KCTD13: variants seen among roughly 807,000 people sequenced by gnomAD.
The protein encoded by KCTD13 is potassium channel tetramerization domain containing 13.
KCTD13 carries 15 observed loss-of-function variants against 32.3 expected under a neutral mutation model. The observed-to-expected ratio is 0.46, with a 90% CI of 0.31 to 0.71. The LOEUF is 0.71. KCTD13 is among the 30% of genes least tolerant of loss of function. The pLI is 0.05. For missense variants in KCTD13, 337 were observed against 452.6 expected, an observed-to-expected ratio of 0.74 and a Z score of 2.32; for synonymous variants, 189 against 200.1, an observed-to-expected ratio of 0.94 and a Z score of 0.47.
rs145551208 is a variant in KCTD13 at position 29,912,343 on chromosome 16, A to G, written c.415-294T>C. On this transcript the variant is annotated intron_variant, in intron 2 of 5. Coordinates refer to ENST00000568000, the MANE Select transcript of KCTD13 (RefSeq NM_178863.5). ...GTCAGCGTGGCGTGTCCGTCATGCCATTCAGATCGCAGGTCACACAGTGCC... is the reference window on the plus strand; with the variant it reads ...GTCAGCGTGGCGTGTCCGTCATGCCGTTCAGATCGCAGGTCACACAGTGCC... The G allele has an allele frequency of 4.4e-3, 2,190 of 497,306 alleles. 7 individuals carry two copies. The highest frequency in any genetic ancestry group is 6.1e-3 in the Non-Finnish European group (1,734 of 283,592). 30.8% of individuals were successfully genotyped at this position (497,306 alleles called of 1,614,324 possible).
At chr16:29,912,239 C>G (rs2068726505) in intron 2 of KCTD13, 190 bp from the exon 3 acceptor site, 1 of 616,524 alleles carries the variant, frequency 1.6e-6, no homozygotes, top group African/African-American at 1.9e-5. Flanking sequence ...CCACGGACAC[C>G]TTGCTGCTTC....
At chr16:29,921,931 A>G (rs1465005764) in intron 2 of KCTD13, 2 of 152,224 alleles carry the variant, frequency 1.3e-5, no homozygotes, top group Non-Finnish European at 2.9e-5. Flanking sequence ...AGATCACGCC[A>G]TTGCACTCCA....
intron 4 of KCTD13, 63 bp from the exon 5 acceptor site, chr16:29,911,236 A>G: frequency 7.6e-7 from 1 of 1,322,776 alleles, no homozygotes; most frequent in South Asian, 1.3e-5. Flanking sequence ...TACCCCCAGA[A>G]GACGGGCCTG....
intron 1 of KCTD13, among the ~76,000 whole-genome samples, chr16:29,924,876 C>T (rs2068970208): frequency 6.6e-6 from 1 of 152,060 alleles, no homozygotes; most frequent in Non-Finnish European, 1.5e-5. Flanking sequence ...CACCACCACG[C>T]CCGGCTAATT....
intron 2 of KCTD13, 80 bp from the exon 3 acceptor site, chr16:29,912,129 T>C: frequency 1.1e-6 from 1 of 946,814 alleles, no homozygotes; most frequent in Non-Finnish European, 1.7e-6. Context: ...AAAAGCTGGT[T>C]GGGAACAACT....
At position 29,926,181 on chromosome 16, in the gene KCTD13, C is replaced by T. The variant is rs1364257221; in HGVS notation, c.-148G>A. The T allele has an allele frequency of 1.1e-6, 1 of 938,284 alleles. No homozygotes were observed. The highest frequency in any genetic ancestry group is 1.5e-6 in the Non-Finnish European group (1 of 683,590). The allele number at this position is 938,284 out of a possible 1,614,324, so 58.1% of individuals were successfully genotyped here. On this transcript the variant is annotated 5_prime_UTR_variant, in exon 1 of 6. Coordinates refer to ENST00000568000, the MANE Select transcript of KCTD13 (RefSeq NM_178863.5). ...GCAGCTACTCTGCAAGACCGGCCCT[C>T]CGCCCCATCTCGCTCGCACCACCCG...
rs777776724 is a variant in KCTD13, at chr16:29,906,503, G to A, written c.*369C>T. 2.7e-5 allele frequency: 13 copies of A among 473,594 alleles called. No individual in the cohort carries two copies. Among genetic ancestry groups the A allele is most frequent in the African/African-American group, 1.2e-4 (6 of 50,810 alleles). The allele number at this position is 473,594 out of a possible 1,614,324, so 29.3% of individuals were successfully genotyped here. A position where few individuals can be genotyped will look rare whatever the true frequency, so the allele number is the denominator to read the frequency against. On this transcript the variant is annotated 3_prime_UTR_variant, in exon 6 of 6. Coordinates refer to ENST00000568000, the MANE Select transcript of KCTD13 (RefSeq NM_178863.5). ...GAGGGGGCGGACTACCCTGCAGGAC[G>A]CGGGAGGCTGCTCAGACTGTGGTGA...
chr16:29,910,950 CCAA>C, intron 5 of KCTD13, 25 bp downstream of exon 5: 1 of 1,601,102 alleles, frequency 6.2e-7, no homozygotes, highest in South Asian at 1.1e-5. Flanking sequence ...CCCCCAGCCC[CCAA>C]CATAGGCTCT....
chr16:29,921,363 A>AGG (rs1283524676), intron 2 of KCTD13: 1 of 152,152 alleles, frequency 6.6e-6, no homozygotes, highest in Non-Finnish European at 1.5e-5. Context: ...CACACTGAGG[A>AGG]GTGTGCTGAG....
chr16:29,908,066 G>A (rs1204305855), intron 5 of KCTD13, among the ~76,000 whole-genome samples: 1 of 151,534 alleles, frequency 6.6e-6, no homozygotes, highest in African/African-American at 2.4e-5. Context: ...CCAGAGCCAG[G>A]AGTGTTACAA....
rs1028019612 is a variant in KCTD13 at position 29,925,949 on chromosome 16, C to T, written c.85G>A (p.Ala29Thr). The change falls in exon 1 of 6, where the codon GCC becomes ACC. Residue 29 changes from alanine (A) to threonine (T), a missense_variant. Coordinates refer to ENST00000568000, the MANE Select transcript of KCTD13 (RefSeq NM_178863.5). Reference sequence around the variant, plus strand: ...GTCAGCGGCTTGAGACCGTAGGCGGCGGGGCCAGGCTCGAGACCCGAGGGC... The same window carrying T: ...GTCAGCGGCTTGAGACCGTAGGCGGTGGGGCCAGGCTCGAGACCCGAGGGC... The part of the protein sequence containing the change: ...PKPSGLEPGP[A>T]AYGLKPLTPN... 4 of 1,613,602 alleles carry T rather than the reference C, an allele frequency of 2.5e-6. No individual in the cohort carries two copies. Among genetic ancestry groups the T allele is most frequent in the Admixed American group, 1.7e-5 (1 of 60,004 alleles).
chr16:29,908,372 AATTTTTTATTTTT>A (rs777756573), intron 5 of KCTD13, among the ~76,000 whole-genome samples: 6 of 151,826 alleles, frequency 4.0e-5, no homozygotes, highest in Non-Finnish European at 7.4e-5. Flanking sequence ...CTGTTTTTTT[AATTTTTTATTTTT>A]ATTTTTTATT....
intron 4 of KCTD13, 92 bp downstream of exon 4, chr16:29,911,722 GC>G (rs2068713279): frequency 4.4e-6 from 6 of 1,352,428 alleles, no homozygotes; most frequent in East Asian, 4.7e-5. Flanking sequence ...GTTCTTGTAG[GC>G]CCCCCGTGTG....
At chr16:29,918,714 T>A (rs905826585) in intron 2 of KCTD13, among the ~76,000 whole-genome samples, 1 of 152,174 alleles carries the variant, frequency 6.6e-6, no homozygotes, top group Non-Finnish European at 1.5e-5. Context: ...TGGAGTGCAG[T>A]GGCACGATCT....
chr16:29,907,535 C>T (rs1484428634), intron 5 of KCTD13, among the ~76,000 whole-genome samples: 1 of 152,114 alleles, frequency 6.6e-6, no homozygotes, highest in Non-Finnish European at 1.5e-5. Context: ...GCCTGTAATC[C>T]CAGCACTTTG....
intron 2 of KCTD13, chr16:29,919,851 C>T (rs1437194343): frequency 6.6e-6 from 1 of 152,246 alleles, no homozygotes; most frequent in African/African-American, 2.4e-5. Context: ...TTAATAAATA[C>T]TGCTTTAAAA....
At position 29,906,779 on chromosome 16, in the gene KCTD13, G is replaced by A; in HGVS notation, c.*93C>T. The stretch of plus-strand genomic sequence containing the variant: ...GGGACAGAGGAGGACCCACGACTTG[G>A]CCAGCAGAGCCGGGGCAAAAGTCTG... On this transcript the variant is annotated 3_prime_UTR_variant, in exon 6 of 6. Coordinates refer to ENST00000568000, the MANE Select transcript of KCTD13 (RefSeq NM_178863.5). 1.8e-6 allele frequency: 2 copies of A among 1,120,224 alleles called. No individual in the cohort carries two copies. The highest frequency in any genetic ancestry group is 1.3e-6 in the Non-Finnish European group (1 of 767,026). The allele number at this position is 1,120,224 out of a possible 1,614,324, so 69.4% of individuals were successfully genotyped here.
chr16:29,908,470 C>T (rs1225928067), intron 5 of KCTD13, among the ~76,000 whole-genome samples: 2 of 152,040 alleles, frequency 1.3e-5, no homozygotes, highest in Non-Finnish European at 2.9e-5. Flanking sequence ...CTGCAACCTC[C>T]ACTTCCCAAG....
chr16:29,922,752 C>T (rs949878793), intron 2 of KCTD13: 25 of 384,868 alleles, frequency 6.5e-5, no homozygotes, highest in African/African-American at 4.5e-4. Flanking sequence ...TCCTGGGGGG[C>T]GGAAGCCATG....
Sources: gnomAD v4.1 joint callset for allele counts (sites outside exome capture counted in the v4.1 genomes callset) on GRCh38, gnomAD v4.1.1 for gene constraint, MANE v1.5 for transcripts, NCBI Gene and HGNC (gene_info 2026-07-23, HGNC 2026-07-21) for gene names.